The following LTK variants were observed in gnomAD, a reference collection of about 807,000 sequenced individuals.
The protein encoded by LTK is leukocyte tyrosine kinase receptor.
Under a neutral mutation model 101.5 loss-of-function variants are expected in LTK, and 117 were observed. The observed-to-expected ratio is 1.15, with a 90% CI of 0.99 to 1.34. The LOEUF is 1.34. Among genes scored for constraint, LTK ranks in the 40% most tolerant of loss-of-function variants. The probability of loss-of-function intolerance (pLI) is 0.00; values close to 1 mark genes in which losing one functional copy is unlikely to be tolerated. For synonymous variants in LTK, 563 were observed against 494.2 expected, an observed-to-expected ratio of 1.14 and a Z score of -1.85; for missense variants, 1,252 against 1,164.7, an observed-to-expected ratio of 1.07 and a Z score of -1.09.
Position 41,511,485 on chromosome 15 carries a change from A to T in LTK, c.751T>A (p.Ser251Thr). The T allele has an allele frequency of 6.8e-7, 1 of 1,464,138 alleles. No individual in the cohort carries two copies. The allele number at this position is 1,464,138 out of a possible 1,614,324, so 90.7% of individuals were successfully genotyped here. A position where few individuals can be genotyped will look rare whatever the true frequency, so the allele number is the denominator to read the frequency against. ...RPRDRGRTQA[S>T]PEKLENRSEA... Reference sequence around the variant, plus strand: ...GAGCGGTTCTCCAGTTTCTCGGGGGAGGCCTGAGTCCGGCCTCGGTCCCGC... The same window carrying T: ...GAGCGGTTCTCCAGTTTCTCGGGGGTGGCCTGAGTCCGGCCTCGGTCCCGC... Residue 251 changes from serine to threonine, a missense_variant, in exon 6 of 20, where the codon TCC (serine) becomes ACC (threonine). Physicochemically the swap from Ser to Thr is moderately conservative, Grantham distance 58. Coordinates refer to ENST00000263800, the MANE Select transcript of LTK (RefSeq NM_002344.6). The surrounding 1 kb of genome is among the most constrained non-coding windows in gnomAD (Gnocchi z 5.9).
chr15:41,504,755 G>GGGGAAGGGGAA lies in LTK; in HGVS notation c.2120+17_2120+18insTTCCCCTTCCC. The GGGGAAGGGGAA allele has an allele frequency of 6.2e-7, 1 of 1,606,740 alleles. No homozygotes were observed. Among genetic ancestry groups the GGGGAAGGGGAA allele is most frequent in the Non-Finnish European group, 8.5e-7 (1 of 1,176,592 alleles). On this transcript the variant is annotated intron_variant, in intron 17 of 19. Transcript: ENST00000263800. ...GGGAGGGGAACAGTGGGGAAGGGGA[G>GGGGAAGGGGAA]GGGAAGGGTGTTATCACCAGGAATC...
chr15:41,503,639 G>A lies in LTK; in HGVS notation c.*357C>T. ...GGTCCCTGGCATCCACAGATCGCTGGAGGATGAGAAGAGCTTTTTATTAGA... is the reference window on the plus strand; with the variant it reads ...GGTCCCTGGCATCCACAGATCGCTGAAGGATGAGAAGAGCTTTTTATTAGA... On this transcript the variant is annotated 3_prime_UTR_variant, in exon 20 of 20. Coordinates refer to ENST00000263800, the MANE Select transcript of LTK (RefSeq NM_002344.6). 1 of 579,894 alleles carries A rather than the reference G, an allele frequency of 1.7e-6. No homozygotes were observed. Among genetic ancestry groups the A allele is most frequent in the South Asian group, 1.4e-5 (1 of 72,094 alleles). 35.9% of individuals were successfully genotyped at this position (579,894 alleles called of 1,614,324 possible).
chr15:41,507,466 G>A, intron 10 of LTK, 96 bp downstream of exon 10: 1 of 1,557,916 alleles, frequency 6.4e-7, no homozygotes, highest in Non-Finnish European at 8.7e-7. Context: ...TGCGGTGAGT[G>A]GTCTTGAAGT....
At position 41,513,120 on chromosome 15, in the gene LTK, C is replaced by T. The variant is rs780158492; in HGVS notation, c.44G>A (p.Gly15Asp). The T allele has an allele frequency of 6.3e-7, 1 of 1,597,218 alleles. No homozygotes were observed. The highest frequency in any genetic ancestry group is 8.5e-7 in the Non-Finnish European group (1 of 1,173,170). ...GQLLVWFGAA[G>D]AILCSSPGSQ... ...CCCCGGGCTAGAGCAGAGAATGGCG[C>T]CTGAAAGGTGTTGGGAGAAGGCGCA... Residue 15 changes from glycine to aspartate, a missense_variant and splice_region_variant, in exon 2 of 20, where the codon GGC (glycine) becomes GAC (aspartate). By Grantham distance (94) the Gly-to-Asp change is moderately conservative. Coordinates refer to ENST00000263800, the MANE Select transcript of LTK (RefSeq NM_002344.6).
chr15:41,507,980 A>C, intron 9 of LTK, 89 bp downstream of exon 9: 1 of 1,405,520 alleles, frequency 7.1e-7, no homozygotes, highest in Non-Finnish European at 9.6e-7. Flanking sequence ...GGCACACAGC[A>C]AATCTCTATA....
chr15:41,510,096 T>A (rs974064772), intron 7 of LTK, among the ~76,000 whole-genome samples: 1 of 151,676 alleles, frequency 6.6e-6, no homozygotes, highest in African/African-American at 2.4e-5. Context: ...AACCTCCGCC[T>A]CCCGGGTTCA....
chr15:41,508,289 C>A, intron 8 of LTK, 68 bp from the exon 9 acceptor site: 1 of 1,412,358 alleles, frequency 7.1e-7, no homozygotes, highest in Non-Finnish European at 9.7e-7. Flanking sequence ...ATGCCTTTGG[C>A]TGGGTACAGT....
Position 41,513,796 on chromosome 15 carries a change from G to T in LTK, c.-87C>A. On this transcript the variant is annotated 5_prime_UTR_variant, in exon 1 of 20. Coordinates refer to ENST00000263800, the MANE Select transcript of LTK (RefSeq NM_002344.6). ...AAAGTTGACAGCTCATTTTGCCACG[G>T]CAGCCCTGGCCACCACTTACAGGGG... 8.3e-7 allele frequency: 1 copy of T among 1,210,660 alleles called. No individual in the cohort carries two copies. Among genetic ancestry groups the T allele is most frequent in the Non-Finnish European group, 1.2e-6 (1 of 815,252 alleles). 75.0% of individuals were successfully genotyped at this position (1,210,660 alleles called of 1,614,324 possible).
At chr15:41,506,122 A>T in intron 11 of LTK, 117 bp from the exon 12 acceptor site, 1 of 660,596 alleles carries the variant, frequency 1.5e-6, no homozygotes. Context: ...CCCTATATAG[A>T]CTCTCTCCAT....
Position 41,503,945 on chromosome 15 carries a change from T to C in LTK, c.*51A>G. 6.5e-7 allele frequency: 1 copy of C among 1,535,682 alleles called. No individual in the cohort carries two copies. Among genetic ancestry groups the C allele is most frequent in the Non-Finnish European group, 8.7e-7 (1 of 1,145,150 alleles). On this transcript the variant is annotated 3_prime_UTR_variant, in exon 20 of 20. Transcript: ENST00000263800. ...AGGCCACCCAGGAGCCTGAGGAGTA[T>C]AGGGAGGGACCCTCAGTGCCTCAGT...
rs776328059 is a variant in LTK, at chr15:41,511,531, G to A, written c.705C>T (p.Gly235=). ...LEPLLVAAGG[G]GRAYLRPRDR... ...CCCGCGGCCTCAGGTAGGCCCGACCGCCGCCTCCGGCCGCCACCAGCAACG... is the reference window on the plus strand; with the variant it reads ...CCCGCGGCCTCAGGTAGGCCCGACCACCGCCTCCGGCCGCCACCAGCAACG... Residue 235 remains glycine, a synonymous_variant, in exon 6 of 20, where the codon GGC becomes GGT. Coordinates refer to ENST00000263800, the MANE Select transcript of LTK (RefSeq NM_002344.6). This position sits in a 1 kb window ranked among gnomAD's most constrained non-coding sequence, Gnocchi z 5.9. 3 of 1,453,952 alleles carry A rather than the reference G, an allele frequency of 2.1e-6. No individual in the cohort carries two copies. The highest frequency in any genetic ancestry group is 1.4e-5 in the South Asian group (1 of 69,352). The allele number at this position is 1,453,952 out of a possible 1,614,324, so 90.1% of individuals were successfully genotyped here.
At chr15:41,507,489 C>G (rs1190330119) in intron 10 of LTK, 73 bp downstream of exon 10, 3 of 1,574,104 alleles carry the variant, frequency 1.9e-6, no homozygotes, top group Middle Eastern at 1.7e-4. Flanking sequence ...GCCCCGGGAC[C>G]CCGCAGAAAC....
chr15:41,508,883 C>T (rs316623), intron 8 of LTK, 148 bp downstream of exon 8: 211,287 of 506,884 alleles, frequency 0.42, 45,532 homozygotes, highest in Admixed American at 0.47. Flanking sequence ...TGACAGCCCA[C>T]TTTTCAAATG....
At chr15:41,509,728 G>A (rs9672426) in intron 7 of LTK, among the ~76,000 whole-genome samples, 2 of 151,712 alleles carry the variant, frequency 1.3e-5, no homozygotes, top group African/African-American at 2.4e-5. Flanking sequence ...GCATGGTGGC[G>A]CATGCCTATA....
intron 9 of LTK, 141 bp downstream of exon 9, chr15:41,507,928 G>A (rs1595462900): frequency 1.6e-5 from 14 of 879,192 alleles, no homozygotes; most frequent in Admixed American, 5.8e-5. Context: ...ACTGTGCACC[G>A]ATGAATCTCC....
At position 41,511,447 on chromosome 15, in the gene LTK, C is replaced by A; in HGVS notation, c.789G>T (p.Gly263=). The A allele has an allele frequency of 7.1e-7, 1 of 1,413,312 alleles. No homozygotes were observed. The highest frequency in any genetic ancestry group is 3.0e-5 in the East Asian group (1 of 33,720). The allele number at this position is 1,413,312 out of a possible 1,614,324, so 87.5% of individuals were successfully genotyped here. A position where few individuals can be genotyped will look rare whatever the true frequency, so the allele number is the denominator to read the frequency against. ...EKLENRSEAP[G]SGGRGGAAGG... ...CTGCCGCCCCGCCTCTCCCGCCGCTCCCGGGCGCCTCCGAGCGGTTCTCCA... is the reference window on the plus strand; with the variant it reads ...CTGCCGCCCCGCCTCTCCCGCCGCTACCGGGCGCCTCCGAGCGGTTCTCCA... Residue 263 remains glycine (G), a synonymous_variant, in exon 6 of 20, where the codon GGG becomes GGT. Coordinates refer to ENST00000263800, the MANE Select transcript of LTK (RefSeq NM_002344.6). The surrounding 1 kb of genome is among the most constrained non-coding windows in gnomAD (Gnocchi z 5.9).
intron 7 of LTK, among the ~76,000 whole-genome samples, chr15:41,510,006 T>C (rs1009239549): frequency 6.6e-6 from 1 of 152,068 alleles, no homozygotes; most frequent in African/African-American, 2.4e-5. Context: ...CTCTTACCAA[T>C]TTTCTTTTCT....
At chr15:41,506,122 ACTCT>A in intron 11 of LTK, 117 bp from the exon 12 acceptor site, 1 of 660,596 alleles carries the variant, frequency 1.5e-6, no homozygotes, top group South Asian at 1.8e-5. Flanking sequence ...CCCTATATAG[ACTCT>A]CTCCATACCA....
At position 41,512,760 on chromosome 15, in the gene LTK, G is replaced by A; in HGVS notation, c.306C>T (p.Ala102=). Residue 102 remains alanine, a synonymous_variant, in exon 3 of 20, where the codon GCC becomes GCT. Coordinates refer to ENST00000263800, the MANE Select transcript of LTK (RefSeq NM_002344.6). ...GTSVVVTVGA[A]GQLRGVQLWR... The stretch of plus-strand genomic sequence containing the variant: ...ACAGCTGCACGCCTCTCAGCTGCCC[G>A]GCGGCCCCCACGGTCACCACCACGC... 1.9e-6 allele frequency: 3 copies of A among 1,609,574 alleles called. No individual in the cohort carries two copies. Among genetic ancestry groups the A allele is most frequent in the Non-Finnish European group, 2.5e-6 (3 of 1,178,850 alleles).
Sources: allele counts gnomAD v4.1 joint callset (sites outside exome capture counted in the v4.1 genomes callset), GRCh38; gene constraint gnomAD v4.1.1; non-coding constraint Gnocchi (gnomAD v3.1); transcripts MANE v1.5; gene names NCBI Gene and HGNC (gene_info 2026-07-23, HGNC 2026-07-21).